Variants in ST6GAL1 observed in about 807,000 individuals in gnomAD.
The protein encoded by ST6GAL1 is ST6 beta-galactoside alpha-2,6-sialyltransferase 1.
ST6GAL1 carries 20 observed loss-of-function variants against 38.0 expected under a neutral mutation model. That is an observed-to-expected ratio of 0.53 (90% CI 0.37 to 0.77). The LOEUF (loss-of-function observed/expected upper bound fraction) is 0.77. Among genes scored for constraint, ST6GAL1 ranks in the 30% least tolerant of loss-of-function variants. The pLI is 0.00. For missense variants in ST6GAL1, 432 were observed against 496.4 expected, an observed-to-expected ratio of 0.87 and a Z score of 1.23; for synonymous variants, 196 against 188.2, an observed-to-expected ratio of 1.04 and a Z score of -0.34.
At chr3:186,945,339 A>C (rs1429555438) in intron 1 of ST6GAL1, among the ~76,000 whole-genome samples, 1 of 151,730 alleles carries the variant, frequency 6.6e-6, no homozygotes. Context: ...TTGTTTACAG[A>C]GTTCTGGGGC....
intron 3 of ST6GAL1, among the ~76,000 whole-genome samples, 192 bp from the exon 4 acceptor site, chr3:187,042,462 C>G (rs917257376): frequency 6.6e-6 from 1 of 152,082 alleles, no homozygotes; most frequent in Non-Finnish European, 1.5e-5. Context: ...CTGCTGTCCA[C>G]GTTCAAAGCC....
At chr3:187,074,757 G>A (rs1719505838) in intron 7 of ST6GAL1, among the ~76,000 whole-genome samples, 1 of 151,902 alleles carries the variant, frequency 6.6e-6, no homozygotes, top group African/African-American at 2.4e-5. Context: ...ATGAGGAGCG[G>A]GGCTGCACCT....
Position 187,051,298 on chromosome 3 carries a change from C to A in ST6GAL1, c.657C>A (p.Phe219Leu), listed in dbSNP as rs1718505643. The A allele has an allele frequency of 6.2e-7, 1 of 1,614,008 alleles. No individual in the cohort carries two copies. Among genetic ancestry groups the A allele is most frequent in the African/African-American group, 1.3e-5 (1 of 74,902 alleles). The change falls in exon 5 of 8, where the codon TTC becomes TTA. Residue 219 changes from phenylalanine (F) to leucine (L), a missense_variant. Phe to Leu is a conservative substitution (Grantham distance 22). Coordinates refer to ENST00000169298, the MANE Select transcript of ST6GAL1 (RefSeq NM_173216.2). Reference protein sequence around the residue: ...LRFNGAPTANFQQDVGTKTTI... With the variant: ...LRFNGAPTANLQQDVGTKTTI... Reference sequence around the variant, plus strand: ...TTAATGGGGCACCCACAGCCAACTTCCAACAAGATGTGGGCACAAAAACTA... The same window carrying A: ...TTAATGGGGCACCCACAGCCAACTTACAACAAGATGTGGGCACAAAAACTA...
chr3:187,066,228 G>A (rs955805746), intron 5 of ST6GAL1, among the ~76,000 whole-genome samples: 1 of 152,032 alleles, frequency 6.6e-6, no homozygotes, highest in African/African-American at 2.4e-5. Context: ...ATGAGTTCTG[G>A]GGCTTCTTGA....
At chr3:187,017,640 C>T (rs192227817) in intron 2 of ST6GAL1, among the ~76,000 whole-genome samples, 4 of 152,262 alleles carry the variant, frequency 2.6e-5, no homozygotes, top group East Asian at 3.9e-4. Context: ...TTAAGACGAG[C>T]GAGGTAAACA....
At chr3:186,993,888 AATG>A (rs1322397436) in intron 2 of ST6GAL1, among the ~76,000 whole-genome samples, 4 of 152,294 alleles carry the variant, frequency 2.6e-5, no homozygotes, top group African/African-American at 7.2e-5. Context: ...TACTTATAAC[AATG>A]ATGATAATGA....
intron 1 of ST6GAL1, among the ~76,000 whole-genome samples, chr3:186,942,750 T>A (rs1714221956): frequency 6.6e-6 from 1 of 152,192 alleles, no homozygotes; most frequent in African/African-American, 2.4e-5. Context: ...CATCCAATCA[T>A]CACAGGAAGA....
chr3:187,012,403 G>A (rs1716985213), intron 2 of ST6GAL1, among the ~76,000 whole-genome samples: 3 of 151,904 alleles, frequency 2.0e-5, no homozygotes, highest in Admixed American at 2.0e-4. Context: ...GATAACAGGC[G>A]TGCGCCACCA....
At chr3:187,002,625 A>T (rs1043830636) in intron 2 of ST6GAL1, among the ~76,000 whole-genome samples, 1 of 152,164 alleles carries the variant, frequency 6.6e-6, no homozygotes, top group African/African-American at 2.4e-5. Context: ...GTCTGTGCCA[A>T]TTACCTTTGC....
At chr3:186,978,987 G>A (rs1715606857) in intron 2 of ST6GAL1, among the ~76,000 whole-genome samples, 1 of 151,896 alleles carries the variant, frequency 6.6e-6, no homozygotes, top group South Asian at 2.1e-4. Context: ...CTCTAGTAGA[G>A]TTGGCACCAC....
intron 1 of ST6GAL1, among the ~76,000 whole-genome samples, chr3:186,949,712 G>A (rs1021974829): frequency 1.3e-5 from 2 of 151,996 alleles, no homozygotes; most frequent in African/African-American, 2.4e-5. Flanking sequence ...CTTATCATTC[G>A]GAAAAAAAAC....
chr3:186,974,729 G>T (rs1038028198), intron 2 of ST6GAL1, among the ~76,000 whole-genome samples: 6 of 151,440 alleles, frequency 4.0e-5, no homozygotes, highest in Admixed American at 1.3e-4. Flanking sequence ...GCCTGGTTGG[G>T]GGGGGGGCGC....
chr3:186,936,969 G>C (rs1186856295), intron 1 of ST6GAL1, among the ~76,000 whole-genome samples: 2 of 142,712 alleles, frequency 1.4e-5, no homozygotes, highest in Non-Finnish European at 3.1e-5. Flanking sequence ...AAAAGAAAAA[G>C]CTTGACCATT....
In ST6GAL1 at chr3:187,005,734, G is replaced by A. The variant is rs569971445; in HGVS notation, c.-182-33008G>A. On this transcript the variant is annotated intron_variant, in intron 2 of 7. Transcript: ENST00000169298. ...CAAATTGCTTTTGAGATCCACTGAT[G>A]TAAAATAATACGTATTTTGAAAAAC... Among the ~76,000 whole-genome samples, 29 of 152,294 alleles carry A rather than the reference G, an allele frequency of 1.9e-4. 1 individual carries two copies. In the South Asian group the frequency reaches 6.0e-3, roughly 32 times the overall value.
intron 2 of ST6GAL1, chr3:186,964,439 G>A: frequency 6.6e-6 from 1 of 152,160 alleles, no homozygotes; most frequent in East Asian, 1.9e-4. Flanking sequence ...AAAGGTAATA[G>A]GTGCTCATAG....
chr3:187,060,459 C>G (rs930781351), intron 5 of ST6GAL1, among the ~76,000 whole-genome samples: 3 of 152,186 alleles, frequency 2.0e-5, no homozygotes, highest in Non-Finnish European at 4.4e-5. Context: ...CCTCACCCAG[C>G]AGGGTGAGAC....
chr3:187,072,702 C>T (rs1235316270), intron 5 of ST6GAL1, 147 bp from the exon 6 acceptor site: 1 of 747,102 alleles, frequency 1.3e-6, no homozygotes, highest in South Asian at 1.4e-5. Flanking sequence ...ACCTTTCTTT[C>T]ACCGAAGTTA....
chr3:187,044,380 G>A (rs1444056498), intron 4 of ST6GAL1, among the ~76,000 whole-genome samples: 1 of 152,138 alleles, frequency 6.6e-6, no homozygotes, highest in Non-Finnish European at 1.5e-5. Context: ...AGGAAAAATG[G>A]TCTGAAACCC....
rs767316098 is a variant in ST6GAL1 at position 187,043,240 on chromosome 3, G to A, written c.537G>A (p.Gly179=). 1.9e-6 allele frequency: 3 copies of A among 1,614,092 alleles called. No individual in the cohort carries two copies. The highest frequency in any genetic ancestry group is 2.2e-5 in the East Asian group (1 of 44,892). The part of the protein sequence containing the change: ...LPKESIRTKA[G]PWGRCAVVSS... ...AGGAGAGCATTAGGACCAAGGCTGG[G>A]CCTTGGGGCAGGTGTGCTGTTGTGT... The change falls in exon 4 of 8, where the codon GGG becomes GGA. Residue 179 remains glycine, a synonymous_variant. Coordinates refer to ENST00000169298, the MANE Select transcript of ST6GAL1 (RefSeq NM_173216.2).
Sources: gnomAD v4.1 joint callset for allele counts (sites outside exome capture counted in the v4.1 genomes callset) on GRCh38, gnomAD v4.1.1 for gene constraint, MANE v1.5 for transcripts, NCBI Gene and HGNC (gene_info 2026-07-23, HGNC 2026-07-21) for gene names.